Variants in TLL2 observed in about 807,000 individuals in gnomAD.
TLL2 encodes tolloid-like protein 2.
TLL2 carries 106 observed loss-of-function variants against 123.0 expected under a neutral mutation model. That is an observed-to-expected ratio of 0.86 (90% CI 0.74 to 1.01). The LOEUF is 1.01. Among genes scored for constraint, TLL2 ranks in the 50% least tolerant of loss-of-function variants. The pLI, the probability that TLL2 is intolerant of heterozygous loss-of-function variation, is 0.00. For synonymous variants in TLL2, 494 were observed against 516.8 expected (o/e 0.96, Z 0.60); for missense variants, 1,332 against 1,336.7 (o/e 1.00, Z 0.06).
intron 2 of TLL2, 88 bp from the exon 3 acceptor site, chr10:96,446,256 TG>T: frequency 1.6e-6 from 2 of 1,254,304 alleles, no homozygotes; most frequent in Non-Finnish European, 2.3e-6. Flanking sequence ...CCTGGTCACC[TG>T]GGGAGGATCA....
At chr10:96,440,332 A>G (rs775974846) in intron 3 of TLL2, among the ~76,000 whole-genome samples, 12 of 152,226 alleles carry the variant, frequency 7.9e-5, no homozygotes, top group East Asian at 1.9e-4. Context: ...TTTTGAATGT[A>G]TGAATTAAAG....
chr10:96,451,533 C>T (rs1165222388), intron 2 of TLL2, among the ~76,000 whole-genome samples: 1 of 152,112 alleles, frequency 6.6e-6, no homozygotes, highest in Non-Finnish European at 1.5e-5. Context: ...ATAAACAAAA[C>T]TCTATATTAA....
chr10:96,478,891 G>T (rs996827534), intron 2 of TLL2, among the ~76,000 whole-genome samples: 1 of 152,138 alleles, frequency 6.6e-6, no homozygotes, highest in African/African-American at 2.4e-5. Context: ...ATATGTAAAA[G>T]TTCATCATGC....
chr10:96,476,896 A>G (rs1334114645), intron 2 of TLL2, among the ~76,000 whole-genome samples: 4 of 150,088 alleles, frequency 2.7e-5, no homozygotes, highest in African/African-American at 9.8e-5. Context: ...ACACACACAC[A>G]CGCAAACATG....
intron 2 of TLL2, 74 bp from the exon 3 acceptor site, chr10:96,446,242 C>T: frequency 7.1e-7 from 1 of 1,401,048 alleles, no homozygotes; most frequent in South Asian, 1.2e-5. Flanking sequence ...GATGAGGGAG[C>T]AAACCTGGTC....
chr10:96,427,912 A>G (rs1198995932), intron 5 of TLL2, among the ~76,000 whole-genome samples: 3 of 152,140 alleles, frequency 2.0e-5, no homozygotes, highest in Non-Finnish European at 4.4e-5. Context: ...CTCCTGTCTC[A>G]GCCTCCCAGG....
In TLL2 at chr10:96,459,685, AAAAAAAAAAAAAAAAAAAAAATATAT is replaced by A. The variant is rs1277599130; in HGVS notation, c.287-13543_287-13518del. 7.0e-4 allele frequency among the ~76,000 whole-genome samples: 41 copies of A among 58,190 alleles called. 2 individuals carry two copies. The highest frequency in any genetic ancestry group is 2.0e-3 in the African/African-American group (34 of 16,888). The allele number at this position is 58,190 out of a possible 152,430, so 38.2% of individuals were successfully genotyped here. A position where few individuals can be genotyped will look rare whatever the true frequency, so the allele number is the denominator to read the frequency against. On this transcript the variant is annotated intron_variant, in intron 2 of 20. Coordinates refer to ENST00000357947, the MANE Select transcript of TLL2 (RefSeq NM_012465.4). ...ATCCTGTTTCAAAAAAAAAAAAAAA[AAAAAAAAAAAAAAAAAAAAAATATAT>A]ATATATATATATATATATATAGCAG...
chr10:96,430,482 A>G (rs932559294), intron 4 of TLL2, among the ~76,000 whole-genome samples: 2 of 152,238 alleles, frequency 1.3e-5, no homozygotes, highest in South Asian at 4.1e-4. Flanking sequence ...TTAGAGCAAC[A>G]CAAATGGACT....
At chr10:96,464,823 T>C (rs895800859) in intron 2 of TLL2, among the ~76,000 whole-genome samples, 3 of 152,148 alleles carry the variant, frequency 2.0e-5, no homozygotes, top group African/African-American at 7.2e-5. Context: ...CAAAATAAAG[T>C]TATACAGTTT....
intron 5 of TLL2, among the ~76,000 whole-genome samples, chr10:96,423,318 A>T (rs777337709): frequency 5.9e-5 from 9 of 151,874 alleles, no homozygotes; most frequent in Non-Finnish European, 8.8e-5. Flanking sequence ...TCCATACCAT[A>T]CTCTACCCCT....
chr10:96,504,833 G>A (rs1428316681), intron 1 of TLL2, among the ~76,000 whole-genome samples: 1 of 151,908 alleles, frequency 6.6e-6, no homozygotes, highest in Non-Finnish European at 1.5e-5. Flanking sequence ...GTTTCACCGT[G>A]TCATCTCTAC....
chr10:96,475,536 A>C (rs1325181113), intron 2 of TLL2, among the ~76,000 whole-genome samples: 1 of 152,216 alleles, frequency 6.6e-6, no homozygotes, highest in Admixed American at 6.5e-5. Flanking sequence ...ATTTGGGCAC[A>C]TCTAGCAAAT....
intron 2 of TLL2, 111 bp downstream of exon 2, chr10:96,480,238 G>T: frequency 2.4e-6 from 2 of 850,024 alleles, no homozygotes; most frequent in Non-Finnish European, 1.9e-6. Flanking sequence ...CACAAATAGG[G>T]GGGCATTAGA....
At chr10:96,372,866 T>C (rs1200303405) in intron 19 of TLL2, among the ~76,000 whole-genome samples, 2 of 152,092 alleles carry the variant, frequency 1.3e-5, no homozygotes, top group African/African-American at 4.8e-5. Flanking sequence ...TTTTATTTTG[T>C]AGAGATCGGG....
chr10:96,433,640 T>A (rs920879900), intron 3 of TLL2, among the ~76,000 whole-genome samples: 2 of 152,184 alleles, frequency 1.3e-5, no homozygotes, highest in African/African-American at 4.8e-5. Context: ...CATTCACCAG[T>A]CAGATAATTT....
In TLL2 at chr10:96,513,615, C is replaced by T. The variant is rs1847654403; in HGVS notation, c.71G>A (p.Gly24Glu). The T allele has an allele frequency of 1.2e-6, 2 of 1,601,986 alleles. No individual in the cohort carries two copies. Among genetic ancestry groups the T allele is most frequent in the South Asian group, 1.1e-5 (1 of 90,914 alleles). The change falls in exon 1 of 21, where the codon GGG becomes GAG. Residue 24 changes from glycine to glutamate, a missense_variant. Gly to Glu is a moderately conservative substitution (Grantham distance 98). Coordinates refer to ENST00000357947, the MANE Select transcript of TLL2 (RefSeq NM_012465.4). ...GGCGTCCGGGCGCTCCCCGAGTCCC[C>T]CGGCGCCGCGAGGCAGCGGCAGCAG... ...LLLLPLPRGAGGLGERPDATA... is the reference protein window; with the variant it reads ...LLLLPLPRGAEGLGERPDATA...
intron 7 of TLL2, among the ~76,000 whole-genome samples, chr10:96,414,328 C>T (rs898626951): frequency 1.3e-5 from 2 of 152,178 alleles, no homozygotes; most frequent in African/African-American, 4.8e-5. Flanking sequence ...CTGCTCACCT[C>T]TGATTCACTT....
intron 9 of TLL2, among the ~76,000 whole-genome samples, chr10:96,406,049 C>A (rs562805924): frequency 6.6e-6 from 1 of 152,288 alleles, no homozygotes; most frequent in Admixed American, 6.5e-5. Context: ...ATCTTGGCAG[C>A]CCTGTCTGGA....
At chr10:96,451,206 A>G (rs1341466200) in intron 2 of TLL2, among the ~76,000 whole-genome samples, 3 of 152,226 alleles carry the variant, frequency 2.0e-5, no homozygotes, top group Admixed American at 6.5e-5. Context: ...CTAATTCACC[A>G]TATAATTCAC....
Sources: gnomAD v4.1 joint callset for allele counts (sites outside exome capture counted in the v4.1 genomes callset) on GRCh38, gnomAD v4.1.1 for gene constraint, MANE v1.5 for transcripts, NCBI Gene and HGNC (gene_info 2026-07-23, HGNC 2026-07-21) for gene names.